Variants in CEP85L observed in about 807,000 individuals in gnomAD.
CEP85L encodes the protein centrosomal protein of 85 kDa-like.
CEP85L carries 60 observed loss-of-function variants against 100.3 expected under a neutral mutation model. The ratio of observed to expected loss-of-function variants is 0.60; its 90% CI spans 0.49 to 0.74. The LOEUF (loss-of-function observed/expected upper bound fraction) is 0.74. Among genes scored for constraint, CEP85L ranks in the 30% least tolerant of loss-of-function variants. The probability of loss-of-function intolerance (pLI) is 0.00; values close to 1 mark genes in which losing one functional copy is unlikely to be tolerated. For synonymous variants in CEP85L, 319 were observed against 322.7 expected, an observed-to-expected ratio of 0.99 and a Z score of 0.12; for missense variants, 973 against 936.2, an observed-to-expected ratio of 1.04 and a Z score of -0.51.
At chr6:118,626,444 C>G (rs1773800973) in intron 2 of CEP85L, among the ~76,000 whole-genome samples, 1 of 152,140 alleles carries the variant, frequency 6.6e-6, no homozygotes, top group Non-Finnish European at 1.5e-5. Context: ...CTATAAGATC[C>G]TCTTTTTCTT....
intron 2 of CEP85L, among the ~76,000 whole-genome samples, chr6:118,624,002 G>A (rs901116615): frequency 1.3e-5 from 2 of 152,054 alleles, no homozygotes; most frequent in African/African-American, 2.4e-5. Context: ...CACCACACCC[G>A]AGTTAAACCT....
intron 6 of CEP85L, among the ~76,000 whole-genome samples, chr6:118,488,675 G>A (rs148872906): frequency 5.1e-4 from 77 of 152,234 alleles, no homozygotes; most frequent in Middle Eastern, 6.8e-3. Flanking sequence ...GGAGAGGCAG[G>A]AGGCATGGGG....
chr6:118,493,213 A>C (rs949808029), intron 5 of CEP85L, among the ~76,000 whole-genome samples: 1 of 152,216 alleles, frequency 6.6e-6, no homozygotes, highest in Non-Finnish European at 1.5e-5. Flanking sequence ...GCATTCTAGA[A>C]AGAACATTTT....
rs779476938 is a variant in CEP85L, at chr6:118,565,968, G to A, written c.581C>T (p.Ser194Leu). The A allele has an allele frequency of 1.2e-6, 2 of 1,614,160 alleles. No homozygotes were observed. Among genetic ancestry groups the A allele is most frequent in the Non-Finnish European group, 1.7e-6 (2 of 1,180,034 alleles). Reference sequence around the variant, plus strand: ...GCTAGGCCCAATTGTCCTCAGTTGTGATGTTAAAGCCTTAGCCTTCCCTAT... The same window carrying A: ...GCTAGGCCCAATTGTCCTCAGTTGTAATGTTAAAGCCTTAGCCTTCCCTAT... Reference protein sequence around the residue: ...EKIGKAKALTSQLRTIGPSCL... With the variant: ...EKIGKAKALTLQLRTIGPSCL... Residue 194 changes from serine to leucine, a missense_variant, in exon 3 of 13, where the codon TCA becomes TTA. Around this residue, in one of 3 missense-constraint regions of CEP85L, gnomAD observed 890 missense variants for 844.5 expected, o/e 1.05. Transcript: ENST00000368491.
At chr6:118,579,361 G>C (rs1305889192) in intron 2 of CEP85L, among the ~76,000 whole-genome samples, 1 of 149,494 alleles carries the variant, frequency 6.7e-6, no homozygotes, top group Admixed American at 6.6e-5. Context: ...CGGGAAGCTG[G>C]TCAGAAAAAA....
At chr6:118,590,355 T>C (rs935288055) in intron 2 of CEP85L, among the ~76,000 whole-genome samples, 5 of 152,192 alleles carry the variant, frequency 3.3e-5, no homozygotes, top group Non-Finnish European at 7.3e-5. Context: ...CCGGCAAGCT[T>C]TGATATGCAA....
intron 4 of CEP85L, among the ~76,000 whole-genome samples, chr6:118,516,796 G>A (rs1776307968): frequency 6.6e-6 from 1 of 152,160 alleles, no homozygotes; most frequent in Non-Finnish European, 1.5e-5. Context: ...ACTGCTTTTG[G>A]TGTTTTAGAC....
At chr6:118,588,524 T>G (rs1347275104) in intron 2 of CEP85L, among the ~76,000 whole-genome samples, 2 of 152,048 alleles carry the variant, frequency 1.3e-5, no homozygotes, top group Non-Finnish European at 2.9e-5. Context: ...TTAAGGAAAA[T>G]CTACAGGTAC....
intron 5 of CEP85L, among the ~76,000 whole-genome samples, chr6:118,494,951 G>A (rs926826154): frequency 2.0e-5 from 3 of 152,026 alleles, no homozygotes; most frequent in Non-Finnish European, 2.9e-5. Flanking sequence ...TACAGATAAC[G>A]TAAGTGTAGA....
intron 1 of CEP85L, chr6:118,647,154 G>T: frequency 1.4e-6 from 1 of 723,134 alleles, no homozygotes; most frequent in Non-Finnish European, 1.7e-6. Context: ...AATATTATTA[G>T]TTGTAACCAT....
chr6:118,554,678 T>C (rs1028175152), intron 3 of CEP85L, among the ~76,000 whole-genome samples: 4 of 152,190 alleles, frequency 2.6e-5, no homozygotes, highest in Admixed American at 6.5e-5. Context: ...ACTAAAGCCC[T>C]ATTAAAAACC....
chr6:118,540,565 G>C (rs1005404262), intron 3 of CEP85L, among the ~76,000 whole-genome samples: 1 of 151,932 alleles, frequency 6.6e-6, no homozygotes, highest in African/African-American at 2.4e-5. Flanking sequence ...GACCATCCTG[G>C]CCAACATGGT....
At chr6:118,485,163 C>T (rs1774087556) in intron 6 of CEP85L, among the ~76,000 whole-genome samples, 1 of 152,164 alleles carries the variant, frequency 6.6e-6, no homozygotes, top group African/African-American at 2.4e-5. Context: ...AGTCAAAGCT[C>T]TTTCATATTT....
In CEP85L at chr6:118,464,150, C is replaced by A. The variant is rs1038017009; in HGVS notation, c.*1255G>T. ...CCAAAACTAAGTATATTCAAAAGAA[C>A]ATAATCAATGCTGAAGGCAATAAAA... On this transcript the variant is annotated 3_prime_UTR_variant, in exon 13 of 13. Transcript: ENST00000368491. 1 of 152,146 alleles carries A rather than the reference C, an allele frequency of 6.6e-6. No homozygotes were observed. Among genetic ancestry groups the A allele is most frequent in the Non-Finnish European group, 1.5e-5 (1 of 67,982 alleles). 9.4% of individuals were successfully genotyped at this position (152,146 alleles called of 1,614,324 possible). A position where few individuals can be genotyped will look rare whatever the true frequency, so the allele number is the denominator to read the frequency against.
chr6:118,644,625 T>C (rs1349318680), intron 1 of CEP85L, among the ~76,000 whole-genome samples: 2 of 152,174 alleles, frequency 1.3e-5, no homozygotes, highest in African/African-American at 4.8e-5. Context: ...TCTCAGGAAA[T>C]GGCATCACTA....
chr6:118,593,457 C>T (rs1781298921), intron 2 of CEP85L, among the ~76,000 whole-genome samples: 1 of 151,662 alleles, frequency 6.6e-6, no homozygotes, highest in African/African-American at 2.4e-5. Flanking sequence ...AGGTGTCTTA[C>T]ATGGCAGGAG....
chr6:118,527,002 CTTT>C (rs764883723), intron 3 of CEP85L, among the ~76,000 whole-genome samples: 4 of 98,710 alleles, frequency 4.1e-5, no homozygotes, highest in Non-Finnish European at 5.6e-5. Flanking sequence ...TTTACTTTTT[CTTT>C]TTTTTTTTTT....
At chr6:118,533,495 G>A (rs1040759499) in intron 3 of CEP85L, among the ~76,000 whole-genome samples, 3 of 151,820 alleles carry the variant, frequency 2.0e-5, no homozygotes, top group Admixed American at 6.6e-5. Context: ...AAATCTCTAG[G>A]TCCAAATTGT....
At chr6:118,516,310 T>A (rs1228521314) in intron 4 of CEP85L, among the ~76,000 whole-genome samples, 3 of 152,218 alleles carry the variant, frequency 2.0e-5, no homozygotes, top group African/African-American at 4.8e-5. Context: ...TGGTTCTAGA[T>A]CCTTGAGGAA....
Sources: allele counts gnomAD v4.1 joint callset (sites outside exome capture counted in the v4.1 genomes callset), GRCh38; gene constraint gnomAD v4.1.1; regional missense constraint gnomAD v4.1.1; transcripts MANE v1.5; gene names NCBI Gene and HGNC (gene_info 2026-07-23, HGNC 2026-07-21).